Variants in ARID2 observed in about 807,000 individuals in gnomAD.
ARID2 encodes AT-rich interaction domain 2, also known as AT-rich interactive domain-containing protein 2.
A neutral mutation model predicts 184.6 loss-of-function variants in ARID2; 32 were observed. That is an observed-to-expected ratio of 0.17 (90% CI 0.13 to 0.23). The LOEUF (loss-of-function observed/expected upper bound fraction) is 0.23. ARID2 is among the 10% of genes least tolerant of loss of function. The pLI is 1.00. For missense variants in ARID2, 1,696 were observed against 2,197.6 expected (o/e 0.77, Z 4.56); for synonymous variants, 836 against 772.6 (o/e 1.08, Z -1.36).
At chr12:45,808,574 A>T (rs1942642895) in intron 3 of ARID2, among the ~76,000 whole-genome samples, 1 of 152,060 alleles carries the variant, frequency 6.6e-6, no homozygotes, top group African/African-American at 2.4e-5. Flanking sequence ...TATATATATA[A>T]TATATATGGT....
rs2138157461 is a variant in ARID2, at chr12:45,849,734, G to A, written c.1870G>A (p.Val624Ile). 6.2e-7 allele frequency: 1 copy of A among 1,613,614 alleles called. No homozygotes were observed. The highest frequency in any genetic ancestry group is 1.1e-5 in the South Asian group (1 of 91,014). The change falls in exon 14 of 21, where the codon GTT becomes ATT. Residue 624 changes from valine to isoleucine, a missense_variant. By Grantham distance (29) the Val-to-Ile change is conservative (BLOSUM62 3). This residue lies in a region of ARID2 where 713 missense variants were observed against 824.4 expected (regional missense o/e 0.86). Coordinates refer to ENST00000334344, the MANE Select transcript of ARID2 (RefSeq NM_152641.4). ...QQPVSTSVVR[V>I]DSVPDVSPAP... ...ACCAGTTTCTACTTCTGTTGTTCGTGTTGATTCTGTTCCTGATGTATCTCC... is the reference window on the plus strand; with the variant it reads ...ACCAGTTTCTACTTCTGTTGTTCGTATTGATTCTGTTCCTGATGTATCTCC...
At chr12:45,798,825 G>A (rs1227101089) in intron 3 of ARID2, among the ~76,000 whole-genome samples, 3 of 151,898 alleles carry the variant, frequency 2.0e-5, no homozygotes, top group Non-Finnish European at 2.9e-5. Context: ...CAACCCAAAG[G>A]CTCATAAGTT....
chr12:45,760,035 T>G (rs1941644562), intron 3 of ARID2, among the ~76,000 whole-genome samples: 1 of 152,226 alleles, frequency 6.6e-6, no homozygotes, highest in Admixed American at 6.5e-5. Context: ...TACTTTGACA[T>G]GCATTTTCTT....
chr12:45,899,392 C>T (rs1486273383), intron 20 of ARID2, among the ~76,000 whole-genome samples: 4 of 149,022 alleles, frequency 2.7e-5, no homozygotes, highest in Non-Finnish European at 5.9e-5. Flanking sequence ...ATCACGAGGT[C>T]AGGAGATCAA....
intron 20 of ARID2, among the ~76,000 whole-genome samples, chr12:45,903,852 TA>T (rs1157263069): frequency 5.3e-5 from 8 of 152,148 alleles, no homozygotes; most frequent in East Asian, 1.9e-4. Context: ...TGCTGGCTGA[TA>T]TTTTTTTTTA....
chr12:45,808,850 G>A lies in ARID2; in HGVS notation c.285-2568G>A, dbSNP rs1429680087. Among the ~76,000 whole-genome samples the A allele has an allele frequency of 2.0e-5, 3 of 151,902 alleles. No individual in the cohort carries two copies. In the East Asian group the frequency reaches 5.8e-4, roughly 29 times the overall value. The stretch of plus-strand genomic sequence containing the variant: ...CACAATCTTGGCTCACTGTAACCTC[G>A]GCCTCCCAGATTCAAACAATTCTTG... On this transcript the variant is annotated intron_variant, in intron 3 of 20. Coordinates refer to ENST00000334344, the MANE Select transcript of ARID2 (RefSeq NM_152641.4).
At chr12:45,730,345 C>A (rs987673902) in intron 2 of ARID2, among the ~76,000 whole-genome samples, 1 of 146,002 alleles carries the variant, frequency 6.8e-6, no homozygotes, top group Non-Finnish European at 1.5e-5. Flanking sequence ...CGCGGGGCTC[C>A]GGCGGGCGGG....
rs571495962 is a variant in ARID2 at position 45,831,627 on chromosome 12, A to G, written c.706-4962A>G. 1.9e-4 allele frequency among the ~76,000 whole-genome samples: 29 copies of G among 152,250 alleles called. No homozygotes were observed. The South Asian group carries it at 5.2e-3, about 27-fold the overall frequency. ...TAAATCTTATTCATTCTGTCCAGCT[A>G]TATTTTTGTACCTATTAACCATTCC... On this transcript the variant is annotated intron_variant, in intron 6 of 20. Transcript: ENST00000334344.
intron 6 of ARID2, among the ~76,000 whole-genome samples, chr12:45,835,703 C>A (rs1171472136): frequency 1.3e-5 from 2 of 152,022 alleles, no homozygotes; most frequent in African/African-American, 4.8e-5. Flanking sequence ...AGATTGAGAC[C>A]ATCCTGGCCA....
chr12:45,830,245 T>A (rs1008002722), intron 6 of ARID2, among the ~76,000 whole-genome samples: 1 of 152,132 alleles, frequency 6.6e-6, no homozygotes, highest in Non-Finnish European at 1.5e-5. Context: ...TTTTGTAGGG[T>A]TTTTGTACAG....
intron 3 of ARID2, among the ~76,000 whole-genome samples, chr12:45,795,438 T>C (rs900697114): frequency 7.2e-5 from 11 of 152,076 alleles, no homozygotes; most frequent in Non-Finnish European, 1.5e-4. Flanking sequence ...TTTTTCTTTT[T>C]TATTTTTTTT....
At chr12:45,889,059 G>A (rs896171993) in intron 16 of ARID2, among the ~76,000 whole-genome samples, 3 of 152,116 alleles carry the variant, frequency 2.0e-5, no homozygotes, top group Non-Finnish European at 2.9e-5. Context: ...TGTGGTGCAC[G>A]TAATCCCAGC....
chr12:45,745,609 G>C (rs187175318), intron 3 of ARID2, among the ~76,000 whole-genome samples: 1 of 152,246 alleles, frequency 6.6e-6, no homozygotes, highest in Admixed American at 6.5e-5. Flanking sequence ...ATGCAGTGGC[G>C]CAATCTCGGC....
intron 3 of ARID2, among the ~76,000 whole-genome samples, chr12:45,780,356 T>C (rs1433413996): frequency 1.3e-5 from 2 of 152,136 alleles, no homozygotes; most frequent in African/African-American, 4.8e-5. Flanking sequence ...ACTTCTGCCT[T>C]TTGGGGGAGG....
At position 45,874,455 on chromosome 12, in the gene ARID2, G is replaced by A. The variant is rs147211799; in HGVS notation, c.4922+13506G>A. 792 of 202,030 alleles carry A rather than the reference G, an allele frequency of 3.9e-3. 14 individuals carry two copies. Among genetic ancestry groups the A allele is most frequent in the Admixed American group, 0.03 (607 of 19,930 alleles). The allele number at this position is 202,030 out of a possible 1,614,324, so 12.5% of individuals were successfully genotyped here. On this transcript the variant is annotated intron_variant, in intron 16 of 20. Coordinates refer to ENST00000334344, the MANE Select transcript of ARID2 (RefSeq NM_152641.4). ...AGTGTTCACAGCATCTTCACCAGGA[G>A]TAGATTCTACCCCAAGAAACCACTT...
rs1236815052 is a variant in ARID2 at position 45,850,151 on chromosome 12, T to A, written c.2028T>A (p.Thr676=). The A allele has an allele frequency of 3.7e-6, 6 of 1,614,148 alleles. No homozygotes were observed. Among genetic ancestry groups the A allele is most frequent in the Non-Finnish European group, 5.1e-6 (6 of 1,179,998 alleles). The change falls in exon 15 of 21, where the codon ACT becomes ACA. Residue 676 remains threonine, a synonymous_variant. Transcript: ENST00000334344. ...QMSFPVQGVH[T]VAQTVSRIPQ... ...CTTTTCCTGTACAAGGTGTTCATAC[T>A]GTGGCACAAACTGTTTCAAGAATTC...
At chr12:45,867,162 G>A (rs1386183130) in intron 16 of ARID2, among the ~76,000 whole-genome samples, 1 of 151,986 alleles carries the variant, frequency 6.6e-6, no homozygotes, top group African/African-American at 2.4e-5. Context: ...TGTTGGGAAG[G>A]CTGGTCTTGA....
At chr12:45,848,118 T>A (rs1172770520) in intron 12 of ARID2, among the ~76,000 whole-genome samples, 2 of 151,930 alleles carry the variant, frequency 1.3e-5, no homozygotes, top group African/African-American at 2.4e-5. Flanking sequence ...TTTTTTTAAA[T>A]CATAATTACT....
intron 16 of ARID2, among the ~76,000 whole-genome samples, chr12:45,878,034 T>TA (rs756928036): frequency 1.3e-5 from 2 of 152,200 alleles, no homozygotes; most frequent in African/African-American, 2.4e-5. Flanking sequence ...TTCAACAGTT[T>TA]AAATATCTCA....
Sources: gnomAD v4.1 joint callset for allele counts (sites outside exome capture counted in the v4.1 genomes callset) on GRCh38, gnomAD v4.1.1 for gene constraint, gnomAD v4.1.1 regional missense constraint, MANE v1.5 for transcripts, NCBI Gene and HGNC (gene_info 2026-07-23, HGNC 2026-07-21) for gene names.